The following MAPK9 variants were observed in gnomAD, a reference collection of about 807,000 sequenced individuals.
MAPK9 encodes Jun kinase.
MAPK9 carries 30 observed loss-of-function variants against 57.1 expected under a neutral mutation model. The observed-to-expected ratio is 0.53, with a 90% confidence interval of 0.39 to 0.71. The LOEUF (loss-of-function observed/expected upper bound fraction) is 0.71, where lower values mean the gene tolerates loss of function less well. Among genes scored for constraint, MAPK9 ranks in the 30% least tolerant of loss-of-function variants. The pLI is 0.00. For synonymous variants in MAPK9, 155 were observed against 177.0 expected (o/e 0.88, Z 0.99); for missense variants, 362 against 521.0 (o/e 0.69, Z 2.97).
At chr5:180,266,264 A>T (rs1561820678) in intron 3 of MAPK9, among the ~76,000 whole-genome samples, 1 of 152,124 alleles carries the variant, frequency 6.6e-6, no homozygotes, top group Non-Finnish European at 1.5e-5. Flanking sequence ...AACAAAAAAA[A>T]TCAACAGTAT....
intron 3 of MAPK9, among the ~76,000 whole-genome samples, chr5:180,268,802 G>A (rs747950515): frequency 6.7e-6 from 1 of 150,270 alleles, no homozygotes; most frequent in African/African-American, 2.5e-5. Context: ...ACTCCAGCCT[G>A]GGCGACAGAG....
In MAPK9 at chr5:180,236,258, A is replaced by T; in HGVS notation, c.*126T>A. 9.3e-7 allele frequency: 1 copy of T among 1,079,374 alleles called. No homozygotes were observed. 66.9% of individuals were successfully genotyped at this position (1,079,374 alleles called of 1,614,324 possible). A position where few individuals can be genotyped will look rare whatever the true frequency, so the allele number is the denominator to read the frequency against. On this transcript the variant is annotated 3_prime_UTR_variant, in exon 12 of 12. Transcript: ENST00000452135. Reference sequence around the variant, plus strand: ...CAATCCTATCAGGTCTGAGTAGGGCAAGGCATTGTGTTTCTTACATGCAGA... The same window carrying T: ...CAATCCTATCAGGTCTGAGTAGGGCTAGGCATTGTGTTTCTTACATGCAGA...
At chr5:180,259,772 G>A (rs1422183702) in intron 5 of MAPK9, among the ~76,000 whole-genome samples, 2 of 152,098 alleles carry the variant, frequency 1.3e-5, no homozygotes, top group Non-Finnish European at 2.9e-5. Context: ...AGATATTCCA[G>A]TTCTCTATGT....
Position 180,249,069 on chromosome 5 carries a change from G to A in MAPK9, c.520C>T (p.Arg174Trp), listed in dbSNP as rs756294947. 7 of 1,614,016 alleles carry A rather than the reference G, an allele frequency of 4.3e-6. No individual in the cohort carries two copies. Among genetic ancestry groups the A allele is most frequent in the East Asian group, 2.2e-5 (1 of 44,874 alleles). ...TLKILDFGLARTACTNFMMTP... is the reference protein window; with the variant it reads ...TLKILDFGLAWTACTNFMMTP... ...ATCATGAAGTTAGTGCACGCTGTCC[G>A]GGCCAGGCCAAAGTCAAGGATCTTC... The change falls in exon 6 of 12, where the codon CGG (arginine) becomes TGG (tryptophan). Residue 174 changes from arginine to tryptophan, a missense_variant. Arg to Trp is a moderately radical substitution (Grantham distance 101). Coordinates refer to ENST00000452135, the MANE Select transcript of MAPK9 (RefSeq NM_002752.5).
intron 5 of MAPK9, among the ~76,000 whole-genome samples, chr5:180,260,196 CT>C (rs1469681592): frequency 4.6e-5 from 7 of 152,126 alleles, no homozygotes; most frequent in African/African-American, 1.7e-4. Flanking sequence ...GAACTCATTT[CT>C]AAAAAACCCT....
In MAPK9 at chr5:180,244,534, G is replaced by C. The variant is rs948241389; in HGVS notation, c.689-1779C>G. On this transcript the variant is annotated intron_variant, in intron 7 of 11. Coordinates refer to ENST00000452135, the MANE Select transcript of MAPK9 (RefSeq NM_002752.5). ...CTCACACCTGTAATCCCGGCACTTT[G>C]GGAGGCCGAGGCAGGTGGATCACAA... Among the ~76,000 whole-genome samples the C allele has an allele frequency of 2.0e-5, 3 of 152,180 alleles. No individual in the cohort carries two copies. The East Asian group carries it at 5.8e-4, about 30-fold the overall frequency.
At chr5:180,265,566 C>T (rs33972289) in intron 3 of MAPK9, among the ~76,000 whole-genome samples, 9,029 of 152,286 alleles carry the variant, frequency 0.059, 337 homozygotes, top group African/African-American at 0.11. Context: ...TTTCGTCTTC[C>T]GCCATGATTG....
intron 1 of MAPK9, among the ~76,000 whole-genome samples, chr5:180,290,023 T>C (rs1237951782): frequency 1.1e-5 from 1 of 91,436 alleles, no homozygotes; most frequent in African/African-American, 4.9e-5. Flanking sequence ...ACCTAGCTAA[T>C]TTCTTAAAAT....
chr5:180,246,202 T>G (rs1475089049), intron 7 of MAPK9: 27 of 152,344 alleles, frequency 1.8e-4, no homozygotes, highest in South Asian at 6.2e-4. Flanking sequence ...AGTCTTTTAA[T>G]TTTTCAACTT....
intron 2 of MAPK9, among the ~76,000 whole-genome samples, chr5:180,278,239 C>T (rs1375936974): frequency 1.3e-5 from 2 of 152,204 alleles, no homozygotes; most frequent in Admixed American, 6.5e-5. Context: ...ACTAACACCC[C>T]GTGAGACGGG....
At chr5:180,278,760 C>G (rs1411811794) in intron 2 of MAPK9, among the ~76,000 whole-genome samples, 5 of 151,534 alleles carry the variant, frequency 3.3e-5, no homozygotes, top group Non-Finnish European at 7.4e-5. Flanking sequence ...TCCCCAAGAC[C>G]TCCGACATTT....
At chr5:180,267,373 A>G (rs1359147078) in intron 3 of MAPK9, among the ~76,000 whole-genome samples, 1 of 151,858 alleles carries the variant, frequency 6.6e-6, no homozygotes, top group Non-Finnish European at 1.5e-5. Context: ...CATCCTGGCT[A>G]ACATGGTGAA....
chr5:180,264,908 T>A, intron 3 of MAPK9, 69 bp from the exon 4 acceptor site: 1 of 1,271,178 alleles, frequency 7.9e-7, no homozygotes. Flanking sequence ...AGTTTAATAT[T>A]GAAATGCATT....
chr5:180,262,688 G>A (rs991714517), intron 4 of MAPK9, among the ~76,000 whole-genome samples: 13 of 151,974 alleles, frequency 8.6e-5, no homozygotes, highest in African/African-American at 2.9e-4. Context: ...CGCCCACCTC[G>A]GGCCTTCCAA....
rs537903987 is a variant in MAPK9, at chr5:180,248,011, G to A, written c.617-501C>T. ...CCCTCCCAGGACAAACCCGGTACAC[G>A]TCACTAGCTTGCCGGCGGGAGCCTC... On this transcript the variant is annotated intron_variant, in intron 6 of 11. Transcript: ENST00000452135. The A allele has an allele frequency of 3.1e-5, 40 of 1,308,620 alleles. No homozygotes were observed. The Middle Eastern group carries it at 5.7e-4, about 19-fold the overall frequency. The allele number at this position is 1,308,620 out of a possible 1,614,324, so 81.1% of individuals were successfully genotyped here.
chr5:180,286,187 C>T (rs1465477773), intron 1 of MAPK9, among the ~76,000 whole-genome samples: 3 of 139,752 alleles, frequency 2.1e-5, no homozygotes, highest in Admixed American at 1.5e-4. Context: ...GCTCTGTCGC[C>T]CAGGCTGGAG....
At chr5:180,238,945 C>CA (rs1478542640) in intron 10 of MAPK9, among the ~76,000 whole-genome samples, 2 of 152,190 alleles carry the variant, frequency 1.3e-5, no homozygotes, top group African/African-American at 4.8e-5. Context: ...AGTAAGGCAG[C>CA]AAAACATGTA....
chr5:180,257,337 C>T lies in MAPK9; in HGVS notation c.450+4347G>A, dbSNP rs565869782. On this transcript the variant is annotated intron_variant, in intron 5 of 11. Transcript: ENST00000452135. ...TTATTACCACTCCACCATCTAAAAC[C>T]CATCTGCTTATTTCTGTAGTAACAG... 3.7e-4 allele frequency among the ~76,000 whole-genome samples: 57 copies of T among 152,330 alleles called. 1 individual carries two copies. Among genetic ancestry groups the T allele is most frequent in the African/African-American group, 1.3e-3 (55 of 41,576 alleles).
At chr5:180,261,243 A>C (rs1174157208) in intron 5 of MAPK9, among the ~76,000 whole-genome samples, 1 of 152,224 alleles carries the variant, frequency 6.6e-6, no homozygotes, top group African/African-American at 2.4e-5. Flanking sequence ...TATTTAAGAA[A>C]GAGAGTTCTC....
Sources: allele counts gnomAD v4.1 joint callset (sites outside exome capture counted in the v4.1 genomes callset), GRCh38; gene constraint gnomAD v4.1.1; transcripts MANE v1.5; gene names NCBI Gene and HGNC (gene_info 2026-07-23, HGNC 2026-07-21).